KLHDC4: variants seen among roughly 807,000 people sequenced by gnomAD.
KLHDC4 encodes kelch domain containing 4.
KLHDC4 carries 90 observed loss-of-function variants against 62.4 expected under a neutral mutation model. That is an observed-to-expected ratio of 1.44 (90% CI 1.22 to 1.72). The LOEUF is 1.72. KLHDC4 is among the 40% of genes most tolerant of loss of function. The pLI is 0.00. For synonymous variants in KLHDC4, 386 were observed against 284.4 expected (o/e 1.36, Z -3.59); for missense variants, 1,025 against 699.7 (o/e 1.47, Z -5.25).
At chr16:87,744,962 C>T (rs2143019417) in intron 5 of KLHDC4, among the ~76,000 whole-genome samples, 1 of 139,556 alleles carries the variant, frequency 7.2e-6, no homozygotes, top group East Asian at 2.1e-4. Context: ...CTCACACGTG[C>T]ACACATGCAA....
rs2041725874 is a variant in KLHDC4, at chr16:87,738,465, T to A, written c.507-7821A>T. ...AGATGTATGCACTGTCCGTGAACTT[T>A]CACAGCAACACTGCAAGAGCAGAAA... On this transcript the variant is annotated intron_variant, in intron 5 of 11. Coordinates refer to ENST00000270583, the MANE Select transcript of KLHDC4 (RefSeq NM_017566.4). Among the ~76,000 whole-genome samples the A allele has an allele frequency of 2.0e-5, 3 of 152,222 alleles. No homozygotes were observed. The South Asian group carries it at 6.2e-4, about 32-fold the overall frequency.
intron 3 of KLHDC4, 73 bp downstream of exon 3, chr16:87,756,326 C>G (rs1444884077): frequency 2.6e-6 from 3 of 1,158,582 alleles, no homozygotes; most frequent in Non-Finnish European, 3.9e-6. Context: ...TTTGATGTCA[C>G]TGCCTTAAGT....
chr16:87,764,987 A>G (rs2143543737), intron 1 of KLHDC4: 1 of 381,092 alleles, frequency 2.6e-6, no homozygotes, highest in Non-Finnish European at 5.2e-6. Flanking sequence ...ACATCTGGTC[A>G]CATCCCAGTT....
intron 7 of KLHDC4, among the ~76,000 whole-genome samples, chr16:87,718,314 CCTCCCCCTCCCT>C (rs2037444662): frequency 1.3e-5 from 1 of 75,100 alleles, no homozygotes; most frequent in Non-Finnish European, 2.6e-5. Context: ...TCCCCCTCTC[CCTCCCCCTCCCT>C]CTCCCTCCCC....
At chr16:87,761,368 G>A (rs1167206957) in intron 2 of KLHDC4, among the ~76,000 whole-genome samples, 1 of 152,136 alleles carries the variant, frequency 6.6e-6, no homozygotes, top group African/African-American at 2.4e-5. Flanking sequence ...CTTCCACTAG[G>A]GCCTGCAGCA....
At position 87,714,571 on chromosome 16, in the gene KLHDC4, T is replaced by A. The variant is rs999179972; in HGVS notation, c.762A>T (p.Arg254Ser). The A allele has an allele frequency of 1.2e-6, 2 of 1,613,936 alleles. No homozygotes were observed. Among genetic ancestry groups the A allele is most frequent in the African/African-American group, 2.7e-5 (2 of 74,906 alleles). ...TGCCCTTGTCCACGTCTTTCTTAAC[T>A]CTCTGCAATGGAAAGGAATTGTGTG... ...IVVYGGYSKQ[R>S]VKKDVDKGTR... Residue 254 changes from arginine to serine, a missense_variant and splice_region_variant, in exon 8 of 12, where the codon AGA becomes AGT. Physicochemically the swap from Arg to Ser is moderately radical, Grantham distance 110. Coordinates refer to ENST00000270583, the MANE Select transcript of KLHDC4 (RefSeq NM_017566.4).
chr16:87,711,155 G>C, intron 9 of KLHDC4, 80 bp downstream of exon 9: 1 of 1,484,142 alleles, frequency 6.7e-7, no homozygotes, highest in South Asian at 1.2e-5. Flanking sequence ...ATACCAAAAG[G>C]TGCTGGAGGA....
intron 1 of KLHDC4, among the ~76,000 whole-genome samples, chr16:87,765,585 C>T (rs557721511): frequency 2.0e-5 from 3 of 152,156 alleles, no homozygotes; most frequent in African/African-American, 7.2e-5. Context: ...CTCCGAGAAG[C>T]GGACAGACAC....
At chr16:87,713,639 C>A (rs182784998) in intron 8 of KLHDC4, among the ~76,000 whole-genome samples, 158 of 152,218 alleles carry the variant, frequency 1.0e-3, no homozygotes, top group African/African-American at 3.3e-3. Flanking sequence ...CAGCCACTGG[C>A]AGGAAACGCC....
chr16:87,709,974 A>G (rs2035461869), intron 9 of KLHDC4: 5 of 376,696 alleles, frequency 1.3e-5, no homozygotes, highest in Non-Finnish European at 2.4e-5. Flanking sequence ...GACCCCACAC[A>G]CAGGGCACCA....
At chr16:87,749,840 C>A (rs905995149) in intron 4 of KLHDC4, among the ~76,000 whole-genome samples, 3 of 152,168 alleles carry the variant, frequency 2.0e-5, no homozygotes, top group Non-Finnish European at 2.9e-5. Flanking sequence ...CCTCCCAAAG[C>A]ACACTGGGAT....
chr16:87,702,425 C>G lies in KLHDC4; in HGVS notation c.90G>C (p.Arg30=), dbSNP rs536345616. 583 of 369,806 alleles carry G rather than the reference C, an allele frequency of 1.6e-3. 1 individual carries two copies. Among genetic ancestry groups the G allele is most frequent in the Non-Finnish European group, 2.8e-3 (529 of 187,800 alleles). 22.9% of individuals were successfully genotyped at this position (369,806 alleles called of 1,614,324 possible). The change falls in exon 1 of 1, where the codon CGG becomes CGC. Residue 30 remains arginine (R), a synonymous_variant. Transcript: ENST00000446344. ...TCCTGCACCCCCAGCCTGGGAACCCCCGGCTTTCTCGCTTGGGCCTCTGGG... is the reference window on the plus strand; with the variant it reads ...TCCTGCACCCCCAGCCTGGGAACCCGCGGCTTTCTCGCTTGGGCCTCTGGG...
At chr16:87,702,327 A>C (rs774888914) in exon 1 of KLHDC4, 1 of 455,286 alleles carries the variant, frequency 2.2e-6, no homozygotes, top group South Asian at 1.6e-5. Flanking sequence ...CCCTGGGGTC[A>C]GGCTGAGAGA....
intron 5 of KLHDC4, among the ~76,000 whole-genome samples, chr16:87,739,223 C>T (rs929828168): frequency 7.8e-6 from 1 of 127,438 alleles, no homozygotes; most frequent in African/African-American, 3.1e-5. Flanking sequence ...ACACCAGCAT[C>T]TCATCCACAC....
intron 9 of KLHDC4, 22 bp downstream of exon 9, chr16:87,711,213 T>C (rs2035749241): frequency 6.2e-7 from 1 of 1,612,996 alleles, no homozygotes; most frequent in Non-Finnish European, 8.5e-7. Flanking sequence ...CCACGGCGCA[T>C]GCTACTCAGA....
chr16:87,744,488 C>T (rs1289419818), intron 5 of KLHDC4, among the ~76,000 whole-genome samples: 1 of 150,370 alleles, frequency 6.7e-6, no homozygotes, highest in African/African-American at 2.5e-5. Context: ...GACACTGAGG[C>T]ACAAGAATGG....
At chr16:87,707,280 G>T (rs972438148), downstream of KLHDC4, among the ~76,000 whole-genome samples, 6 of 152,228 alleles carry the variant, frequency 3.9e-5, no homozygotes, top group Admixed American at 6.5e-5. Flanking sequence ...TGGCAGCCAT[G>T]TGGGGACGTT....
intron 1 of KLHDC4, among the ~76,000 whole-genome samples, chr16:87,764,539 C>T (rs1278996066): frequency 3.4e-5 from 5 of 146,754 alleles, no homozygotes; most frequent in African/African-American, 5.0e-5. Context: ...ATCTCAGCTA[C>T]TTGGGAGGCT....
intron 4 of KLHDC4, among the ~76,000 whole-genome samples, chr16:87,754,781 C>T (rs1346541050): frequency 6.6e-6 from 1 of 152,150 alleles, no homozygotes; most frequent in Admixed American, 6.5e-5. Flanking sequence ...TAAGTCAGTG[C>T]CACTTCTCTG....
Sources: allele counts gnomAD v4.1 joint callset (sites outside exome capture counted in the v4.1 genomes callset), GRCh38; gene constraint gnomAD v4.1.1; transcripts MANE v1.5; gene names NCBI Gene and HGNC (gene_info 2026-07-23, HGNC 2026-07-21).